DLX6: variants seen among roughly 807,000 people sequenced by gnomAD.
DLX6 encodes the protein distal-less homeobox 6, also known as homeobox protein DLX-6.
In DLX6, 4 loss-of-function variants were observed where a neutral mutation model predicts 33.5. That is an observed-to-expected ratio of 0.12 (90% CI 0.06 to 0.27). DLX6 has a LOEUF of 0.27. Among genes scored for constraint, DLX6 ranks in the 10% least tolerant of loss-of-function variants. The pLI, the probability that DLX6 is intolerant of heterozygous loss-of-function variation, is 1.00. For missense variants in DLX6, 382 were observed against 393.3 expected, an observed-to-expected ratio of 0.97 and a Z score of 0.24; for synonymous variants, 184 against 164.8, an observed-to-expected ratio of 1.12 and a Z score of -0.89.
At chr7:97,006,564 C>T (rs889663461) in intron 1 of DLX6, 151 bp downstream of exon 1, 3 of 694,680 alleles carry the variant, frequency 4.3e-6, no homozygotes, top group African/African-American at 1.9e-5. Context: ...CGCGCCCGCT[C>T]GCCTGGCGCC....
Position 97,005,749 on chromosome 7 carries a change from GC to G in DLX6, c.-225del, listed in dbSNP as rs939757641. ...TTCCTCCTCCCTTTGAGTTAACAAG[GC>G]CCCGCTCACTATATCTCTTTATATT... On this transcript the variant is annotated 5_prime_UTR_variant, in exon 1 of 3. Transcript: ENST00000518156. 2 of 241,188 alleles carry G rather than the reference GC, an allele frequency of 8.3e-6. No individual in the cohort carries two copies. The highest frequency in any genetic ancestry group is 4.6e-5 in the African/African-American group (2 of 43,660). 14.9% of individuals were successfully genotyped at this position (241,188 alleles called of 1,614,324 possible). A position where few individuals can be genotyped will look rare whatever the true frequency, so the allele number is the denominator to read the frequency against.
At chr7:97,007,353 GGCACCGCCT>G in intron 1 of DLX6, 1 of 598,396 alleles carries the variant, frequency 1.7e-6, no homozygotes, top group Non-Finnish European at 3.0e-6. Context: ...GAGAGCCTCC[GGCACCGCCT>G]CCGCTGCGGC....
At position 97,006,319 on chromosome 7, in the gene DLX6, C is replaced by A; in HGVS notation, c.342C>A (p.Ala114=). ...GGNSYNHRSL[A]AYPYMSHSQH... is the part of the protein sequence containing the mutation. ...ACTCCTACAACCACCGCTCGCTCGC[C>A]GCCTACCCCTACATGAGCCACTCGC... Residue 114 remains alanine (A), a synonymous_variant, in exon 1 of 3, where the codon GCC becomes GCA. Coordinates refer to ENST00000518156, the MANE Select transcript of DLX6 (RefSeq NM_005222.4). 6.6e-7 allele frequency: 1 copy of A among 1,524,844 alleles called. No homozygotes were observed. Among genetic ancestry groups the A allele is most frequent in the Non-Finnish European group, 8.8e-7 (1 of 1,133,574 alleles). The allele number at this position is 1,524,844 out of a possible 1,614,324, so 94.5% of individuals were successfully genotyped here.
In DLX6 at chr7:97,010,212, CT is replaced by C. The variant is rs2115877722; in HGVS notation, c.*166del. The stretch of plus-strand genomic sequence containing the variant: ...TCTCTCCCTCTCTCTCTCTCTCCCT[CT>C]CCTTTCTTTTTACTTCTTCCTTTCC... On this transcript the variant is annotated 3_prime_UTR_variant, in exon 3 of 3. Coordinates refer to ENST00000518156, the MANE Select transcript of DLX6 (RefSeq NM_005222.4). 2 of 687,322 alleles carry C rather than the reference CT, an allele frequency of 2.9e-6. No homozygotes were observed. Among genetic ancestry groups the C allele is most frequent in the Non-Finnish European group, 4.6e-6 (2 of 436,512 alleles). The allele number at this position is 687,322 out of a possible 1,614,324, so 42.6% of individuals were successfully genotyped here.
Position 97,005,952 on chromosome 7 carries a change from G to T in DLX6, c.-26G>T. 6.5e-7 allele frequency: 1 copy of T among 1,534,334 alleles called. No homozygotes were observed. The highest frequency in any genetic ancestry group is 8.8e-7 in the Non-Finnish European group (1 of 1,138,152). ...GAGGGTGGAGGAAACCCGGGAGAAG[G>T]CTTTCTCCAGCCCCCAAAGTTTTTG... On this transcript the variant is annotated 5_prime_UTR_variant, in exon 1 of 3. Coordinates refer to ENST00000518156, the MANE Select transcript of DLX6 (RefSeq NM_005222.4).
intron 1 of DLX6, chr7:97,007,273 T>C (rs939846874): frequency 1.3e-5 from 7 of 554,394 alleles, no homozygotes; most frequent in Non-Finnish European, 2.2e-5. Context: ...CAGCTTCAGG[T>C]ACTGTTAAGC....
chr7:97,006,491 C>A (rs1244869568), intron 1 of DLX6, 78 bp downstream of exon 1: 7 of 1,230,874 alleles, frequency 5.7e-6, no homozygotes, highest in African/African-American at 1.6e-5. Flanking sequence ...ACTTCCTCGA[C>A]GCCCGGGCCT....
chr7:97,006,146 T>G lies in DLX6; in HGVS notation c.169T>G (p.Ser57Ala), dbSNP rs1015921982. The change falls in exon 1 of 3, where the codon TCG (serine) becomes GCG (alanine). Residue 57 changes from serine (S) to alanine (A), a missense_variant. By Grantham distance (99) the Ser-to-Ala change is moderately conservative. Around this residue, in one of 4 missense-constraint regions of DLX6, gnomAD observed 257 missense variants for 206.9 expected, o/e 1.24. Transcript: ENST00000518156. Reference sequence around the variant, plus strand: ...GCCGCCGCCGCCGCCGCAGCCGCACTCGCAGCAGAGCTCCCCGGCCATGGC... The same window carrying G: ...GCCGCCGCCGCCGCCGCAGCCGCACGCGCAGCAGAGCTCCCCGGCCATGGC... The part of the protein sequence containing the change: ...PPPPPPPQPH[S>A]QQSSPAMAGA... 7 of 1,535,948 alleles carry G rather than the reference T, an allele frequency of 4.6e-6. No individual in the cohort carries two copies. The African/African-American group carries it at 9.7e-5, about 21-fold the overall frequency.
At position 97,010,448 on chromosome 7, in the gene DLX6, G is replaced by A. The variant is rs761366425; in HGVS notation, c.*401G>A. Reference sequence around the variant, plus strand: ...AAGGATATTTTCTCTTACCCCTTGGGATCCAGGCTCTGAGTCTCTTCTCTT... The same window carrying A: ...AAGGATATTTTCTCTTACCCCTTGGAATCCAGGCTCTGAGTCTCTTCTCTT... On this transcript the variant is annotated 3_prime_UTR_variant, in exon 3 of 3. Coordinates refer to ENST00000518156, the MANE Select transcript of DLX6 (RefSeq NM_005222.4). 2 of 165,378 alleles carry A rather than the reference G, an allele frequency of 1.2e-5. No individual in the cohort carries two copies. The highest frequency in any genetic ancestry group is 2.4e-5 in the African/African-American group (1 of 41,776). The allele number at this position is 165,378 out of a possible 1,614,324, so 10.2% of individuals were successfully genotyped here.
chr7:97,006,110 CCGCCG>C lies in DLX6; in HGVS notation c.135_139del (p.Pro46AlafsTer107). 8.1e-7 allele frequency: 1 copy of C among 1,239,318 alleles called. No individual in the cohort carries two copies. The highest frequency in any genetic ancestry group is 1.1e-6 in the Non-Finnish European group (1 of 930,704). 76.8% of individuals were successfully genotyped at this position (1,239,318 alleles called of 1,614,324 possible). A position where few individuals can be genotyped will look rare whatever the true frequency, so the allele number is the denominator to read the frequency against. On this transcript the variant is annotated frameshift_variant, in exon 1 of 3. Coordinates refer to ENST00000518156, the MANE Select transcript of DLX6 (RefSeq NM_005222.4). LOFTEE classifies it high-confidence loss of function. ...GCAGCAGCAGCAGCAACAGCAACAG[CCGCCG>C]CCGCCGCCGCCGCCGCCGCCGCAGC...
rs1179192019 is a variant in DLX6, at chr7:97,005,952, G to A, written c.-26G>A. ...GAGGGTGGAGGAAACCCGGGAGAAG[G>A]CTTTCTCCAGCCCCCAAAGTTTTTG... On this transcript the variant is annotated 5_prime_UTR_variant, in exon 1 of 3. Transcript: ENST00000518156. 6.5e-7 allele frequency: 1 copy of A among 1,534,334 alleles called. No homozygotes were observed. The highest frequency in any genetic ancestry group is 1.9e-5 in the Admixed American group (1 of 51,330).
intron 2 of DLX6, 36 bp downstream of exon 2, chr7:97,007,867 T>C: frequency 6.6e-7 from 1 of 1,523,534 alleles, no homozygotes; most frequent in Non-Finnish European, 8.8e-7. Flanking sequence ...CCTGAAATGC[T>C]GGTACCGCTT....
At position 97,009,867 on chromosome 7, in the gene DLX6, G is replaced by C. The variant is rs749033297; in HGVS notation, c.702G>C (p.Glu234Asp). ...KLLKQGSNPH[E>D]SDPLQGSAAL... ...TGAAGCAGGGCAGTAATCCTCATGA[G>C]AGCGACCCCCTCCAGGGCTCGGCGG... Residue 234 changes from glutamate to aspartate, a missense_variant, in exon 3 of 3, where the codon GAG (glutamate) becomes GAC (aspartate). By Grantham distance (45) the Glu-to-Asp change is conservative. Around this residue, in one of 4 missense-constraint regions of DLX6, gnomAD observed 96 missense variants for 93.3 expected, o/e 1.03. Transcript: ENST00000518156. 2.5e-6 allele frequency: 4 copies of C among 1,613,970 alleles called. No individual in the cohort carries two copies. Among genetic ancestry groups the C allele is most frequent in the East Asian group, 2.2e-5 (1 of 44,858 alleles).
Position 97,005,911 on chromosome 7 carries a change from C to T in DLX6, c.-67C>T. The T allele has an allele frequency of 7.8e-7, 1 of 1,287,682 alleles. No homozygotes were observed. The highest frequency in any genetic ancestry group is 1.0e-6 in the Non-Finnish European group (1 of 979,518). 79.8% of individuals were successfully genotyped at this position (1,287,682 alleles called of 1,614,324 possible). A position where few individuals can be genotyped will look rare whatever the true frequency, so the allele number is the denominator to read the frequency against. ...AAGGTGGCTGCAGAGGGGAGAGCGGCGCGAGCCAAGTGGGGGAGGGTGGAG... is the reference window on the plus strand; with the variant it reads ...AAGGTGGCTGCAGAGGGGAGAGCGGTGCGAGCCAAGTGGGGGAGGGTGGAG... On this transcript the variant is annotated 5_prime_UTR_variant, in exon 1 of 3. Transcript: ENST00000518156.
At chr7:97,007,885 G>T in intron 2 of DLX6, 54 bp downstream of exon 2, 1 of 1,482,900 alleles carries the variant, frequency 6.7e-7, no homozygotes, top group East Asian at 2.4e-5. Context: ...CTTGCAGATC[G>T]GGCAGGGAGC....
In DLX6 at chr7:97,007,637, G is replaced by C; in HGVS notation, c.437-1G>C. The C allele has an allele frequency of 6.2e-7, 1 of 1,607,502 alleles. No individual in the cohort carries two copies. The highest frequency in any genetic ancestry group is 8.5e-7 in the Non-Finnish European group (1 of 1,176,794). On this transcript the variant is annotated splice_acceptor_variant, in intron 1 of 2. Transcript: ENST00000518156. LOFTEE classifies it high-confidence loss of function. Reference sequence around the variant, plus strand: ...CGCTCCTCTGTATTATTTGCTTACAGATCAACAAAAAACTACAGTGATTGA... The same window carrying C: ...CGCTCCTCTGTATTATTTGCTTACACATCAACAAAAAACTACAGTGATTGA...
At chr7:97,006,478 C>T (rs1789734737) in intron 1 of DLX6, 65 bp downstream of exon 1, 4 of 1,243,770 alleles carry the variant, frequency 3.2e-6, no homozygotes, top group Middle Eastern at 3.1e-4. Flanking sequence ...CGCCCGCCCG[C>T]TCACTTCCTC....
intron 2 of DLX6, 104 bp from the exon 3 acceptor site, chr7:97,009,692 T>C (rs1789806567): frequency 6.6e-7 from 1 of 1,514,296 alleles, no homozygotes; most frequent in African/African-American, 1.4e-5. Flanking sequence ...TTGTTTTTTG[T>C]TTTTTGTTTT....
At chr7:97,007,366 C>A in intron 1 of DLX6, 1 of 598,554 alleles carries the variant, frequency 1.7e-6, no homozygotes, top group Non-Finnish European at 3.0e-6. Context: ...ACCGCCTCCG[C>A]TGCGGCAAAG....
Sources: gnomAD v4.1 joint callset for allele counts on GRCh38, gnomAD v4.1.1 for gene constraint, gnomAD v4.1.1 regional missense constraint, MANE v1.5 for transcripts, NCBI Gene and HGNC (gene_info 2026-07-23, HGNC 2026-07-21) for gene names.